The following KHDRBS2 variants were observed in gnomAD, a reference collection of about 807,000 sequenced individuals.
KHDRBS2 encodes the protein KH domain-containing, RNA-binding, signal transduction-associated protein 2.
A neutral mutation model predicts 44.3 loss-of-function variants in KHDRBS2; 26 were observed. The ratio of observed to expected loss-of-function variants is 0.59; its 90% CI spans 0.43 to 0.81. The LOEUF (loss-of-function observed/expected upper bound fraction) is 0.81, where lower values mean the gene tolerates loss of function less well. KHDRBS2 is among the 40% of genes least tolerant of loss of function. The pLI is 0.00. For synonymous variants in KHDRBS2, 194 were observed against 151.1 expected (o/e 1.28, Z -2.08); for missense variants, 476 against 433.1 (o/e 1.10, Z -0.88).
chr6:61,603,674 A>C, the KHDRBS2 span, among the ~76,000 whole-genome samples: 1 of 152,112 alleles, frequency 6.6e-6, no homozygotes, highest in Non-Finnish European at 1.5e-5. Flanking sequence ...TACAGTTCTC[A>C]TAACTTCCAA....
the KHDRBS2 span, among the ~76,000 whole-genome samples, chr6:61,591,554 G>A: frequency 1.3e-5 from 2 of 152,052 alleles, no homozygotes; most frequent in Non-Finnish European, 2.9e-5. Flanking sequence ...CGTGCACCTA[G>A]AGTAACTAAA....
chr6:61,908,925 C>T (rs1311641109), intron 4 of KHDRBS2, among the ~76,000 whole-genome samples: 6 of 152,050 alleles, frequency 3.9e-5, no homozygotes, highest in Admixed American at 2.6e-4. Flanking sequence ...AAGAAAATTC[C>T]TCTTACAAGA....
chr6:61,850,278 T>C (rs1795235144), intron 6 of KHDRBS2, among the ~76,000 whole-genome samples: 1 of 152,116 alleles, frequency 6.6e-6, no homozygotes. Flanking sequence ...ACTTTTAATA[T>C]ATCTCAGCTA....
At chr6:61,971,124 A>C (rs959431817) in intron 4 of KHDRBS2, among the ~76,000 whole-genome samples, 8 of 152,126 alleles carry the variant, frequency 5.3e-5, no homozygotes, top group Non-Finnish European at 1.0e-4. Context: ...TTGAGTACAG[A>C]CCATCCAGTA....
the KHDRBS2 span, among the ~76,000 whole-genome samples, chr6:61,592,496 AGATCTC>A: frequency 6.6e-6 from 1 of 152,116 alleles, no homozygotes; most frequent in South Asian, 2.1e-4. Flanking sequence ...CATCTTTCCT[AGATCTC>A]GATAAAGGGG....
chr6:62,069,899 T>A (rs1794587236), intron 2 of KHDRBS2, among the ~76,000 whole-genome samples: 1 of 151,816 alleles, frequency 6.6e-6, no homozygotes, highest in Non-Finnish European at 1.5e-5. Flanking sequence ...TAGTAAATGA[T>A]AAAGTACACT....
intron 6 of KHDRBS2, among the ~76,000 whole-genome samples, chr6:61,737,034 A>G (rs1379794765): frequency 6.6e-6 from 1 of 152,108 alleles, no homozygotes; most frequent in East Asian, 1.9e-4. Flanking sequence ...TGAATTGTTT[A>G]ATTAGCCAAA....
At chr6:61,800,313 TC>T (rs769469475) in intron 6 of KHDRBS2, among the ~76,000 whole-genome samples, 17 of 152,102 alleles carry the variant, frequency 1.1e-4, no homozygotes, top group Non-Finnish European at 2.5e-4. Flanking sequence ...AGTCAGGTGG[TC>T]CAGTCTAAAA....
At chr6:61,902,939 G>A (rs1457000991) in intron 4 of KHDRBS2, among the ~76,000 whole-genome samples, 3 of 151,994 alleles carry the variant, frequency 2.0e-5, no homozygotes, top group African/African-American at 4.8e-5. Context: ...AAGCCCTAAA[G>A]CATTTCACTT....
At chr6:61,944,054 T>C (rs1812701222) in intron 4 of KHDRBS2, among the ~76,000 whole-genome samples, 1 of 152,154 alleles carries the variant, frequency 6.6e-6, no homozygotes. Flanking sequence ...GGAACACTTA[T>C]ACACTACTGG....
chr6:61,560,634 C>T, the KHDRBS2 span, among the ~76,000 whole-genome samples: 2 of 152,116 alleles, frequency 1.3e-5, no homozygotes, highest in Admixed American at 6.5e-5. Context: ...TTGCATTTTT[C>T]AGATCAAGAA....
intron 6 of KHDRBS2, among the ~76,000 whole-genome samples, chr6:61,811,319 T>C (rs1582960772): frequency 2.0e-5 from 3 of 152,174 alleles, no homozygotes; most frequent in African/African-American, 4.8e-5. Flanking sequence ...CCATGATGTA[T>C]ATGTACCACA....
At chr6:62,066,641 A>G (rs542569533) in intron 2 of KHDRBS2, among the ~76,000 whole-genome samples, 12 of 151,816 alleles carry the variant, frequency 7.9e-5, no homozygotes, top group African/African-American at 2.9e-4. Flanking sequence ...CATGAAATAA[A>G]TATATATGCT....
chr6:61,948,516 A>G (rs1764056874), intron 4 of KHDRBS2, among the ~76,000 whole-genome samples: 1 of 151,938 alleles, frequency 6.6e-6, no homozygotes, highest in African/African-American at 2.4e-5. Flanking sequence ...CCAACCATCT[A>G]TGCACCTCTG....
In KHDRBS2 at chr6:61,800,165, T is replaced by C. The variant is rs532310640; in HGVS notation, c.811-67401A>G. Among the ~76,000 whole-genome samples the C allele has an allele frequency of 9.2e-5, 14 of 152,264 alleles. 1 individual carries two copies. The highest frequency in any genetic ancestry group is 5.9e-4 in the Admixed American group (9 of 15,266). The stretch of plus-strand genomic sequence containing the variant: ...TCCCTAACCTTTAAGCTAAGAATCA[T>C]AGTTCTTGATCCCTAATTAATCTGG... On this transcript the variant is annotated intron_variant, in intron 6 of 8. Coordinates refer to ENST00000281156, the MANE Select transcript of KHDRBS2 (RefSeq NM_152688.4).
At chr6:62,145,226 T>C (rs562057212) in intron 2 of KHDRBS2, among the ~76,000 whole-genome samples, 26 of 151,724 alleles carry the variant, frequency 1.7e-4, no homozygotes, top group African/African-American at 6.0e-4. Flanking sequence ...AATGGTTACA[T>C]CCAATATATC....
At chr6:61,679,271 G>T (rs576996282), downstream of KHDRBS2, among the ~76,000 whole-genome samples, 128 of 151,978 alleles carry the variant, frequency 8.4e-4, 2 homozygotes, top group Admixed American at 1.3e-3. Context: ...GTTAGCAAGA[G>T]TTGCATTACT....
At chr6:61,901,458 G>A (rs375854189) in intron 4 of KHDRBS2, 87 bp from the exon 5 acceptor site, 4 of 369,912 alleles carry the variant, frequency 1.1e-5, no homozygotes, top group South Asian at 1.1e-4. Context: ...AAAACAAAAC[G>A]CAATAGGAAA....
At chr6:61,591,657 AC>A in the KHDRBS2 span, among the ~76,000 whole-genome samples, 1 of 152,168 alleles carries the variant, frequency 6.6e-6, no homozygotes, top group South Asian at 2.1e-4. Flanking sequence ...ATCAGGGTCC[AC>A]AGAACAGAAT....
Sources: gnomAD v4.1 joint callset for allele counts (sites outside exome capture counted in the v4.1 genomes callset) on GRCh38, gnomAD v4.1.1 for gene constraint, MANE v1.5 for transcripts, NCBI Gene and HGNC (gene_info 2026-07-23, HGNC 2026-07-21) for gene names.